Variants in STAG1 observed in about 807,000 individuals in gnomAD.
STAG1 encodes STAG1 cohesin complex component.
In STAG1, 26 loss-of-function variants were observed where a neutral mutation model predicts 170.9. That is an observed-to-expected ratio of 0.15 (90% CI 0.11 to 0.21). STAG1 has a LOEUF of 0.21. Among genes scored for constraint, STAG1 ranks in the 10% least tolerant of loss-of-function variants. The pLI is 1.00. For synonymous variants in STAG1, 514 were observed against 497.7 expected (o/e 1.03, Z -0.44); for missense variants, 964 against 1,509.5 (o/e 0.64, Z 5.99).
In STAG1 at chr3:136,425,116, G is replaced by C. The variant is rs541733902; in HGVS notation, c.1651-2072C>G. ...GCCTCCCAAAGTGTTGGGTTTACAG[G>C]CATGAGCCACCATGCCCAGCTGATT... On this transcript the variant is annotated intron_variant, in intron 16 of 33. Coordinates refer to ENST00000383202, the MANE Select transcript of STAG1 (RefSeq NM_005862.3). 1.8e-4 allele frequency among the ~76,000 whole-genome samples: 28 copies of C among 152,280 alleles called. No individual in the cohort carries two copies. The East Asian group carries it at 3.1e-3, about 17-fold the overall frequency.
intron 1 of STAG1, among the ~76,000 whole-genome samples, chr3:136,701,002 C>T (rs953237608): frequency 6.6e-6 from 1 of 150,894 alleles, no homozygotes; most frequent in Non-Finnish European, 1.5e-5. Flanking sequence ...CTGCCTCAGC[C>T]TCCCGAGTAG....
chr3:136,580,037 G>A (rs12163529), intron 4 of STAG1, among the ~76,000 whole-genome samples: 52,848 of 139,252 alleles, frequency 0.38, 11,944 homozygotes, highest in East Asian at 0.81. Flanking sequence ...GTGCGATCTC[G>A]GCTCACTGCA....
chr3:136,690,470 C>T (rs1942685835), intron 1 of STAG1, among the ~76,000 whole-genome samples: 1 of 152,224 alleles, frequency 6.6e-6, no homozygotes, highest in African/African-American at 2.4e-5. Flanking sequence ...CTCCTGACCT[C>T]ACATGATCTG....
chr3:136,593,090 T>C (rs554022294), intron 4 of STAG1, among the ~76,000 whole-genome samples: 1 of 152,322 alleles, frequency 6.6e-6, no homozygotes, highest in Admixed American at 6.5e-5. Context: ...TTAAATATCC[T>C]TTCTGCCATA....
At chr3:136,616,312 A>G (rs534406784) in intron 3 of STAG1, among the ~76,000 whole-genome samples, 1 of 152,218 alleles carries the variant, frequency 6.6e-6, no homozygotes, top group East Asian at 1.9e-4. Context: ...TCAATAGATA[A>G]AGGAGACAGG....
chr3:136,666,627 G>A (rs1037397830), intron 1 of STAG1, among the ~76,000 whole-genome samples: 8 of 152,068 alleles, frequency 5.3e-5, no homozygotes, highest in African/African-American at 1.9e-4. Context: ...AGACCAGCCT[G>A]GCCAACATGG....
chr3:136,737,155 G>T, intron 1 of STAG1: 1 of 776,470 alleles, frequency 1.3e-6, no homozygotes, highest in South Asian at 1.3e-5. Context: ...TTCTCTATTT[G>T]TTTCACCTCA....
chr3:136,425,733 CAT>C lies in STAG1; in HGVS notation c.1651-2691_1651-2690del, dbSNP rs201643771. 6.5e-3 allele frequency among the ~76,000 whole-genome samples: 960 copies of C among 148,356 alleles called. 12 individuals are homozygous for C. The highest frequency in any genetic ancestry group is 0.022 in the African/African-American group (912 of 40,592). On this transcript the variant is annotated intron_variant, in intron 16 of 33. Transcript: ENST00000383202. ...GTTTATATATATGTATATATATAAA[CAT>C]ATATACATATACATATATATCTATA... is the stretch of plus-strand genomic sequence containing the variant.
At chr3:136,738,076 A>C (rs899337194) in intron 1 of STAG1, among the ~76,000 whole-genome samples, 1 of 152,064 alleles carries the variant, frequency 6.6e-6, no homozygotes, top group Non-Finnish European at 1.5e-5. Flanking sequence ...TCAAAAAATA[A>C]ATTAATTAAT....
chr3:136,697,894 C>CTGTG (rs1383783921), intron 1 of STAG1, among the ~76,000 whole-genome samples: 1 of 152,022 alleles, frequency 6.6e-6, no homozygotes, highest in African/African-American at 2.4e-5. Context: ...GGGACTGCAC[C>CTGTG]ACAAATGTTT....
intron 11 of STAG1, 26 bp downstream of exon 11, chr3:136,473,509 TTAAA>T (rs1255546449): frequency 6.6e-7 from 1 of 1,507,978 alleles, no homozygotes; most frequent in Non-Finnish European, 9.1e-7. Context: ...AAGAGAAAAA[TTAAA>T]TAAGCTTATC....
At chr3:136,443,490 A>G (rs2088690343) in intron 14 of STAG1, 86 bp from the exon 15 acceptor site, 3 of 938,954 alleles carry the variant, frequency 3.2e-6, no homozygotes, top group Non-Finnish European at 4.9e-6. Context: ...CATTTTCTTC[A>G]TAATTAAAAT....
At chr3:136,502,192 A>C (rs1933519225) in intron 8 of STAG1, among the ~76,000 whole-genome samples, 1 of 151,764 alleles carries the variant, frequency 6.6e-6, no homozygotes, top group Non-Finnish European at 1.5e-5. Flanking sequence ...AAAAAAAAAC[A>C]GTATAAAATC....
intron 3 of STAG1, among the ~76,000 whole-genome samples, chr3:136,608,462 C>T (rs1175325038): frequency 1.0e-4 from 15 of 146,220 alleles, no homozygotes; most frequent in East Asian, 4.1e-4. Context: ...GCCGGGGAGG[C>T]AGAGTCTGCA....
intron 4 of STAG1, among the ~76,000 whole-genome samples, chr3:136,580,690 C>T (rs1332370309): frequency 1.3e-5 from 2 of 150,702 alleles, no homozygotes; most frequent in South Asian, 2.1e-4. Flanking sequence ...CCCGCCACCG[C>T]GCCCGGCTAA....
At chr3:136,508,011 T>C (rs1295570540) in intron 7 of STAG1, among the ~76,000 whole-genome samples, 2 of 152,028 alleles carry the variant, frequency 1.3e-5, no homozygotes, top group African/African-American at 4.8e-5. Flanking sequence ...GGTAGTGAAG[T>C]AGTAGAGACA....
chr3:136,666,951 C>T lies in STAG1; in HGVS notation c.-83-35970G>A, dbSNP rs927970367. ...CTGAGCATCTAGAAAGAAAACTGAA[C>T]CTGGCAAAGCTGAGATACATGGAAT... On this transcript the variant is annotated intron_variant, in intron 1 of 33. Coordinates refer to ENST00000383202, the MANE Select transcript of STAG1 (RefSeq NM_005862.3). 2.6e-5 allele frequency among the ~76,000 whole-genome samples: 4 copies of T among 151,990 alleles called. No homozygotes were observed. The East Asian group carries it at 5.8e-4, about 22-fold the overall frequency.
chr3:136,731,018 C>T (rs1418527178), intron 1 of STAG1, among the ~76,000 whole-genome samples: 1 of 152,160 alleles, frequency 6.6e-6, no homozygotes, highest in Admixed American at 6.5e-5. Context: ...CACCATGGTG[C>T]TAGGACCACA....
chr3:136,500,728 C>T (rs1360788657), intron 8 of STAG1, among the ~76,000 whole-genome samples: 1 of 152,192 alleles, frequency 6.6e-6, no homozygotes, highest in Non-Finnish European at 1.5e-5. Flanking sequence ...CCAAACATTA[C>T]TCTGCATCTC....
Sources: gnomAD v4.1 joint callset for allele counts (sites outside exome capture counted in the v4.1 genomes callset) on GRCh38, gnomAD v4.1.1 for gene constraint, MANE v1.5 for transcripts, NCBI Gene and HGNC (gene_info 2026-07-23, HGNC 2026-07-21) for gene names.